KDM5A: variants seen among roughly 807,000 people sequenced by gnomAD.
KDM5A encodes the protein lysine-specific demethylase 5A.
Under a neutral mutation model 193.5 loss-of-function variants are expected in KDM5A, and 42 were observed. That is an observed-to-expected ratio of 0.22 (90% confidence interval 0.17 to 0.28). The LOEUF is 0.28. Ranked by LOEUF, KDM5A falls within the 10% of genes least tolerant of loss-of-function variation. The pLI is 1.00. For missense variants in KDM5A, 1,692 were observed against 2,055.1 expected, an observed-to-expected ratio of 0.82 and a Z score of 3.42; for synonymous variants, 796 against 718.1, an observed-to-expected ratio of 1.11 and a Z score of -1.73.
intron 17 of KDM5A, 120 bp from the exon 18 acceptor site, chr12:321,229 A>G: frequency 2.7e-6 from 2 of 736,554 alleles, no homozygotes; most frequent in East Asian, 5.2e-5. Flanking sequence ...TGTTTGAAGG[A>G]TAACACCACA....
rs1341590022 is a variant in KDM5A at position 282,727 on chromosome 12, G to A, written c.*2729C>T. The A allele has an allele frequency of 4.3e-6, 1 of 232,690 alleles. No individual in the cohort carries two copies. The highest frequency in any genetic ancestry group is 8.5e-6 in the Non-Finnish European group (1 of 117,814). 14.4% of individuals were successfully genotyped at this position (232,690 alleles called of 1,614,324 possible). Reference sequence around the variant, plus strand: ...ATTGCAACTTCAGTTGCAGTTTAGAGGAGATAAGGGTAGAAAGACATTTTA... The same window carrying A: ...ATTGCAACTTCAGTTGCAGTTTAGAAGAGATAAGGGTAGAAAGACATTTTA... On this transcript the variant is annotated 3_prime_UTR_variant, in exon 28 of 28. Coordinates refer to ENST00000399788, the MANE Select transcript of KDM5A (RefSeq NM_001042603.3).
chr12:386,722 T>C (rs187458584), intron 1 of KDM5A, among the ~76,000 whole-genome samples: 1 of 152,216 alleles, frequency 6.6e-6, no homozygotes, highest in East Asian at 1.9e-4. Flanking sequence ...TTTTGGATGA[T>C]TTCGGATTTG....
intron 14 of KDM5A, among the ~76,000 whole-genome samples, chr12:325,558 C>A (rs1943772271): frequency 6.6e-6 from 1 of 151,900 alleles, no homozygotes; most frequent in Admixed American, 6.6e-5. Flanking sequence ...TGCTTGTAAC[C>A]CTAACTACTC....
chr12:318,344 C>G lies in KDM5A; in HGVS notation c.2659G>C (p.Glu887Gln). 1 of 1,614,134 alleles carries G rather than the reference C, an allele frequency of 6.2e-7. No homozygotes were observed. Among genetic ancestry groups the G allele is most frequent in the Non-Finnish European group, 8.5e-7 (1 of 1,180,002 alleles). The change falls in exon 19 of 28, where the codon GAA (glutamate) becomes CAA (glutamine). Residue 887 changes from glutamate (E) to glutamine (Q), a missense_variant. Transcript: ENST00000399788. Reference protein sequence around the residue: ...LIDMGSSLYVELPELPRLKQE... With the variant: ...LIDMGSSLYVQLPELPRLKQE... ...TTCAGTCGTGGTAATTCAGGGAGTT[C>G]CACATAGAGACTAGAGCCCATATCT...
intron 9 of KDM5A, among the ~76,000 whole-genome samples, 155 bp from the exon 10 acceptor site, chr12:350,934 A>C (rs186369712): frequency 5.3e-5 from 8 of 152,326 alleles, no homozygotes; most frequent in Non-Finnish European, 8.8e-5. Flanking sequence ...AGCTTTTTCC[A>C]ATGAGAACAG....
intron 10 of KDM5A, among the ~76,000 whole-genome samples, chr12:343,686 A>T (rs576468418): frequency 1.3e-5 from 2 of 152,346 alleles, no homozygotes; most frequent in East Asian, 3.9e-4. Context: ...GACTGTTAGA[A>T]GGAAAACTAA....
At chr12:308,818 C>T (rs1943545575) in intron 22 of KDM5A, among the ~76,000 whole-genome samples, 1 of 152,146 alleles carries the variant, frequency 6.6e-6, no homozygotes, top group Non-Finnish European at 1.5e-5. Flanking sequence ...CATGCAATTC[C>T]CTACTTTTAT....
intron 5 of KDM5A, among the ~76,000 whole-genome samples, chr12:360,824 C>A (rs1019262465): frequency 1.3e-5 from 2 of 151,990 alleles, no homozygotes; most frequent in African/African-American, 4.8e-5. Flanking sequence ...GAATGGAATT[C>A]AACAGACAGA....
In KDM5A at chr12:307,305, G is replaced by T; in HGVS notation, c.3930+149C>A. ...CACTAAGTACGTATCCAAAAAAAGT[G>T]CTATAGTGTATGTTGAAGGAGAATG... is the stretch of plus-strand genomic sequence containing the variant. On this transcript the variant is annotated intron_variant, in intron 23 of 27. Coordinates refer to ENST00000399788, the MANE Select transcript of KDM5A (RefSeq NM_001042603.3). This position sits in a 1 kb window ranked among gnomAD's most constrained non-coding sequence, Gnocchi z 4.3. The T allele has an allele frequency of 1.0e-6, 1 of 986,860 alleles. No individual in the cohort carries two copies. Among genetic ancestry groups the T allele is most frequent in the Non-Finnish European group, 1.6e-6 (1 of 642,186 alleles). 61.1% of individuals were successfully genotyped at this position (986,860 alleles called of 1,614,324 possible).
intron 3 of KDM5A, among the ~76,000 whole-genome samples, chr12:377,866 A>G (rs1944527291): frequency 6.6e-6 from 1 of 152,188 alleles, no homozygotes; most frequent in African/African-American, 2.4e-5. Flanking sequence ...TTTGAGAGTA[A>G]AAAAGAATCC....
chr12:375,812 G>A (rs1209424947), intron 3 of KDM5A, among the ~76,000 whole-genome samples: 2 of 152,212 alleles, frequency 1.3e-5, no homozygotes, highest in African/African-American at 2.4e-5. Context: ...AGGACCCTCA[G>A]CTGCAGGTCT....
intron 25 of KDM5A, 131 bp downstream of exon 25, chr12:296,910 C>A: frequency 1.1e-6 from 1 of 915,816 alleles, no homozygotes; most frequent in Middle Eastern, 3.3e-4. Context: ...ACAGCATTTT[C>A]AGGTTCCATT....
chr12:351,901 C>T (rs1944164546), intron 9 of KDM5A, among the ~76,000 whole-genome samples: 1 of 151,966 alleles, frequency 6.6e-6, no homozygotes, highest in Non-Finnish European at 1.5e-5. Flanking sequence ...GTCAGGAGTT[C>T]AAGACCAGCC....
chr12:347,896 A>C (rs1273912615), intron 10 of KDM5A, among the ~76,000 whole-genome samples: 2 of 152,228 alleles, frequency 1.3e-5, no homozygotes, highest in African/African-American at 4.8e-5. Context: ...TGGCAACAAA[A>C]GCCAAAATAG....
At chr12:302,130 T>C (rs900916471) in intron 24 of KDM5A, among the ~76,000 whole-genome samples, 1 of 152,194 alleles carries the variant, frequency 6.6e-6, no homozygotes, top group African/African-American at 2.4e-5. Flanking sequence ...GCTATTCCCA[T>C]CAAGCTACCA....
intron 3 of KDM5A, among the ~76,000 whole-genome samples, chr12:378,697 G>A (rs1041027625): frequency 5.3e-5 from 8 of 152,200 alleles, no homozygotes; most frequent in Non-Finnish European, 1.0e-4. Context: ...GGTGGCTCAC[G>A]CCTGTAATCC....
At position 310,964 on chromosome 12, in the gene KDM5A, T is replaced by A. The variant is rs1203492767; in HGVS notation, c.3137A>T (p.Gln1046Leu). The change falls in exon 21 of 28, where the codon CAG becomes CTG. Residue 1046 changes from glutamine (Q) to leucine (L), a missense_variant. Gln to Leu is a moderately radical substitution (Grantham distance 113). Coordinates refer to ENST00000399788, the MANE Select transcript of KDM5A (RefSeq NM_001042603.3). Reference sequence around the variant, plus strand: ...TCTCCATGCCCGTGCTGCTGCTACCTGTGATTCCACTTGCGGCAGTGCTTC... The same window carrying A: ...TCTCCATGCCCGTGCTGCTGCTACCAGTGATTCCACTTGCGGCAGTGCTTC... ...RLEALPQVES[Q>L]VAAARAWRER... 1 of 1,614,248 alleles carries A rather than the reference T, an allele frequency of 6.2e-7. No individual in the cohort carries two copies. Among genetic ancestry groups the A allele is most frequent in the Admixed American group, 1.7e-5 (1 of 60,024 alleles).
Position 350,565 on chromosome 12 carries a change from T to C in KDM5A, c.1308+56A>G. ...TTAATGTGATCCCTTAAGATAGTTT[T>C]CAATGCAAAAGCTAAATCAGCTTGG... is the stretch of plus-strand genomic sequence containing the variant. On this transcript the variant is annotated intron_variant, in intron 10 of 27. Transcript: ENST00000399788. 2.5e-6 allele frequency: 4 copies of C among 1,569,354 alleles called. No individual in the cohort carries two copies. The South Asian group carries it at 4.4e-5, about 17-fold the overall frequency.
intron 10 of KDM5A, among the ~76,000 whole-genome samples, chr12:338,822 T>G (rs1943965285): frequency 6.6e-6 from 1 of 152,158 alleles, no homozygotes; most frequent in South Asian, 2.1e-4. Flanking sequence ...CTTTCCAACA[T>G]TTCAAGTCCT....
Sources: allele counts gnomAD v4.1 joint callset (sites outside exome capture counted in the v4.1 genomes callset), GRCh38; gene constraint gnomAD v4.1.1; non-coding constraint Gnocchi (gnomAD v3.1); transcripts MANE v1.5; gene names NCBI Gene and HGNC (gene_info 2026-07-23, HGNC 2026-07-21).